The following OR14L1 variants were observed in gnomAD, a reference collection of about 807,000 sequenced individuals.
OR14L1 encodes the protein olfactory receptor family 14 subfamily L member 1, also known as olfactory receptor 14L1.
chr1:247,621,650 T>A, the OR14L1 span: 1 of 152,242 alleles, frequency 6.6e-6, no homozygotes, highest in African/African-American at 2.4e-5. Flanking sequence ...CCTTCCTGTC[T>A]AACTGGAACT....
chr1:247,618,762 G>A, the OR14L1 span, among the ~76,000 whole-genome samples: 4 of 152,012 alleles, frequency 2.6e-5, no homozygotes, highest in East Asian at 1.9e-4. Flanking sequence ...CTGTACCTCT[G>A]CCTTTTCCTA....
At chr1:247,619,858 A>G in the OR14L1 span, 3 of 152,114 alleles carry the variant, frequency 2.0e-5, no homozygotes, top group Non-Finnish European at 2.9e-5. Flanking sequence ...TTTTTGTTAC[A>G]TCTCTGTCAC....
the OR14L1 span, chr1:247,621,444 A>G: frequency 2.2e-4 from 33 of 152,298 alleles, no homozygotes; most frequent in South Asian, 1.2e-3. Context: ...ATATATGCCT[A>G]TGGGGTAAAA....
the OR14L1 span, chr1:247,620,871 T>A: frequency 6.6e-6 from 1 of 152,060 alleles, no homozygotes; most frequent in Admixed American, 6.6e-5. Context: ...ATACAACATA[T>A]TAATTAATAT....
the OR14L1 span, among the ~76,000 whole-genome samples, chr1:247,617,693 G>GGT: frequency 0.26 from 36,934 of 143,614 alleles, 4,959 homozygotes; most frequent in East Asian, 0.41. Context: ...AGTGGTGAAA[G>GGT]GTGTGTGTGT....
the OR14L1 span, chr1:247,620,160 A>G: frequency 6.6e-6 from 1 of 152,164 alleles, no homozygotes; most frequent in African/African-American, 2.4e-5. Context: ...GCAATAGAAT[A>G]CGTCAATTTT....
chr1:247,621,641 C>T, the OR14L1 span: 4 of 152,200 alleles, frequency 2.6e-5, no homozygotes, highest in Admixed American at 1.3e-4. Context: ...AGAGCTTATC[C>T]TTCCTGTCTA....
At chr1:247,621,368 T>G in the OR14L1 span, 6 of 152,192 alleles carry the variant, frequency 3.9e-5, no homozygotes, top group African/African-American at 1.4e-4. Flanking sequence ...ATAAATAGCA[T>G]CCTACCTTAG....
At chr1:247,618,055 C>A in the OR14L1 span, among the ~76,000 whole-genome samples, 1 of 152,108 alleles carries the variant, frequency 6.6e-6, no homozygotes, top group African/African-American at 2.4e-5. Flanking sequence ...TTTACTTGGT[C>A]ACAAGAAGCA....
the OR14L1 span, chr1:247,617,469 T>C: frequency 1.3e-5 from 2 of 152,224 alleles, no homozygotes; most frequent in Non-Finnish European, 2.9e-5. Flanking sequence ...ATTAATAGAT[T>C]GCACTGATAT....
At chr1:247,617,755 A>T in the OR14L1 span, among the ~76,000 whole-genome samples, 5 of 142,630 alleles carry the variant, frequency 3.5e-5, no homozygotes, top group South Asian at 2.2e-4. Context: ...GGATTGGATG[A>T]GTCTATATTT....
chr1:247,619,081 A>C, the OR14L1 span, among the ~76,000 whole-genome samples: 1 of 152,174 alleles, frequency 6.6e-6, no homozygotes, highest in African/African-American at 2.4e-5. Flanking sequence ...GTGTTTACCA[A>C]ATGTCTCCTG....
At chr1:247,621,409 T>A in the OR14L1 span, 4 of 152,174 alleles carry the variant, frequency 2.6e-5, no homozygotes, top group Non-Finnish European at 5.9e-5. Flanking sequence ...TAAATTGTAT[T>A]TTTAGTTGAC....
the OR14L1 span, chr1:247,619,692 G>A: frequency 6.6e-6 from 1 of 151,926 alleles, no homozygotes; most frequent in Non-Finnish European, 1.5e-5. Flanking sequence ...TGGGATTTTC[G>A]AATTCCTGGG....
the OR14L1 span, among the ~76,000 whole-genome samples, chr1:247,618,183 C>G: frequency 6.6e-6 from 1 of 151,964 alleles, no homozygotes; most frequent in African/African-American, 2.4e-5. Context: ...TCAGTTGACT[C>G]CATTTTGGTT....
chr1:247,618,471 T>G, the OR14L1 span, among the ~76,000 whole-genome samples: 1 of 152,032 alleles, frequency 6.6e-6, no homozygotes, highest in Non-Finnish European at 1.5e-5. Context: ...AGAGTTTGGC[T>G]TAAACACTAT....
At chr1:247,619,415 C>T in the OR14L1 span, among the ~76,000 whole-genome samples, 79 of 151,870 alleles carry the variant, frequency 5.2e-4, no homozygotes, top group Non-Finnish European at 8.4e-4. Context: ...TTTTGGTTGT[C>T]GTCTTTTATA....
the OR14L1 span, among the ~76,000 whole-genome samples, chr1:247,618,459 T>G: frequency 6.6e-6 from 1 of 152,098 alleles, no homozygotes; most frequent in African/African-American, 2.4e-5. Context: ...AAAATCCATT[T>G]CAGAGTTTGG....
the OR14L1 span, among the ~76,000 whole-genome samples, chr1:247,618,864 T>A: frequency 6.6e-6 from 1 of 152,166 alleles, no homozygotes; most frequent in Admixed American, 6.6e-5. Flanking sequence ...AACTCTTCTA[T>A]AACAACACAA....
Sources: gnomAD v4.1 joint callset for allele counts (sites outside exome capture counted in the v4.1 genomes callset) on GRCh38, gnomAD v4.1.1 for gene constraint, MANE v1.5 for transcripts, NCBI Gene and HGNC (gene_info 2026-07-23, HGNC 2026-07-21) for gene names.